Variants in THSD7B observed in about 807,000 individuals in gnomAD.
THSD7B encodes the protein thrombospondin type 1 domain containing 7B.
In THSD7B, 138 loss-of-function variants were observed where a neutral mutation model predicts 213.6. The observed-to-expected ratio is 0.65, with a 90% CI of 0.56 to 0.74. THSD7B has a LOEUF of 0.74. Among genes scored for constraint, THSD7B ranks in the 30% least tolerant of loss-of-function variants. The pLI is 0.00. For synonymous variants in THSD7B, 742 were observed against 687.0 expected (o/e 1.08, Z -1.25); for missense variants, 1,931 against 1,991.5 (o/e 0.97, Z 0.58).
Position 137,529,426 on chromosome 2 carries a change from G to T in THSD7B, c.3139-33795G>T, listed in dbSNP as rs372415719. Among the ~76,000 whole-genome samples the T allele has an allele frequency of 2.6e-5, 4 of 151,948 alleles. No individual in the cohort carries two copies. The East Asian group carries it at 5.8e-4, about 22-fold the overall frequency. ...GGGCTCTATGTGCTAAGGGACTAAT[G>T]ATTGTCCCAAAGATAAAGGCTTTAG... is the stretch of plus-strand genomic sequence containing the variant. On this transcript the variant is annotated intron_variant, in intron 15 of 27. Coordinates refer to ENST00000409968, the MANE Select transcript of THSD7B (RefSeq NM_001316349.2).
chr2:137,273,502 G>GT (rs1380657118), intron 11 of THSD7B, among the ~76,000 whole-genome samples: 1 of 151,944 alleles, frequency 6.6e-6, no homozygotes. Context: ...AATAATATAG[G>GT]TTTTATCGGC....
intron 15 of THSD7B, among the ~76,000 whole-genome samples, chr2:137,513,139 T>C (rs1414980696): frequency 6.6e-6 from 1 of 152,218 alleles, no homozygotes; most frequent in Non-Finnish European, 1.5e-5. Flanking sequence ...GGGGCGTATT[T>C]GTCACTTTTT....
chr2:137,307,823 T>A (rs1683792745), intron 12 of THSD7B, among the ~76,000 whole-genome samples: 2 of 152,076 alleles, frequency 1.3e-5, no homozygotes, highest in African/African-American at 4.8e-5. Context: ...TTACTTGACT[T>A]TAATGCTTTT....
At chr2:136,857,626 A>AAC (rs76207337) in intron 1 of THSD7B, among the ~76,000 whole-genome samples, 1 of 151,740 alleles carries the variant, frequency 6.6e-6, no homozygotes, top group Non-Finnish European at 1.5e-5. Context: ...CACACACACA[A>AAC]ACACACACAC....
At chr2:137,651,369 C>T (rs1683133767) in intron 21 of THSD7B, among the ~76,000 whole-genome samples, 1 of 151,864 alleles carries the variant, frequency 6.6e-6, no homozygotes, top group Non-Finnish European at 1.5e-5. Context: ...TTTGGTTGCT[C>T]ATAATATACT....
At chr2:137,579,231 C>A (rs1487795986) in intron 17 of THSD7B, among the ~76,000 whole-genome samples, 1 of 152,040 alleles carries the variant, frequency 6.6e-6, no homozygotes, top group Non-Finnish European at 1.5e-5. Flanking sequence ...AAGTTCCATC[C>A]AAACAGTTAA....
At chr2:136,870,462 T>C (rs1415711541) in intron 1 of THSD7B, among the ~76,000 whole-genome samples, 1 of 152,222 alleles carries the variant, frequency 6.6e-6, no homozygotes, top group African/African-American at 2.4e-5. Context: ...AGTACTTAGA[T>C]AATACTAGAG....
chr2:137,671,134 G>T (rs1683563236), intron 27 of THSD7B, among the ~76,000 whole-genome samples: 1 of 151,126 alleles, frequency 6.6e-6, no homozygotes, highest in Non-Finnish European at 1.5e-5. Flanking sequence ...GGATCTCTTT[G>T]TGCTGCTGTT....
chr2:136,980,368 G>C (rs144239060), intron 2 of THSD7B, among the ~76,000 whole-genome samples: 1,636 of 152,262 alleles, frequency 0.011, 18 homozygotes, highest in Middle Eastern at 0.027. Context: ...CATTGAACTG[G>C]AGACAGTGGC....
intron 10 of THSD7B, among the ~76,000 whole-genome samples, chr2:137,265,320 G>A (rs1682561826): frequency 6.6e-6 from 1 of 152,180 alleles, no homozygotes; most frequent in Non-Finnish European, 1.5e-5. Flanking sequence ...AACAACAGGT[G>A]CTGGAGAGGA....
intron 14 of THSD7B, among the ~76,000 whole-genome samples, chr2:137,439,488 A>G (rs540965883): frequency 2.6e-5 from 4 of 151,196 alleles, no homozygotes; most frequent in Non-Finnish European, 3.0e-5. Context: ...ATATCATTAA[A>G]TAAATAAGTT....
chr2:137,353,759 C>T (rs1375444444), intron 12 of THSD7B, among the ~76,000 whole-genome samples: 1 of 152,074 alleles, frequency 6.6e-6, no homozygotes, highest in Non-Finnish European at 1.5e-5. Flanking sequence ...ATAATAGAAG[C>T]TTCAACCACA....
chr2:136,897,577 C>A (rs183297562), intron 2 of THSD7B, among the ~76,000 whole-genome samples: 1 of 152,098 alleles, frequency 6.6e-6, no homozygotes, highest in Non-Finnish European at 1.5e-5. Context: ...TTGTGAAGAG[C>A]GAAAGAACAA....
intron 7 of THSD7B, among the ~76,000 whole-genome samples, chr2:137,183,627 T>A (rs1009578964): frequency 2.0e-5 from 3 of 152,140 alleles, no homozygotes; most frequent in Non-Finnish European, 2.9e-5. Flanking sequence ...CAATTTACTA[T>A]AAATCCTGGC....
chr2:137,234,105 G>A (rs1433560961), intron 9 of THSD7B, among the ~76,000 whole-genome samples: 1 of 152,136 alleles, frequency 6.6e-6, no homozygotes, highest in Admixed American at 6.6e-5. Flanking sequence ...CCACAGACAG[G>A]GTCAAGTCTG....
chr2:137,670,451 A>C (rs948853202), intron 27 of THSD7B, among the ~76,000 whole-genome samples: 2 of 150,970 alleles, frequency 1.3e-5, no homozygotes, highest in African/African-American at 4.9e-5. Flanking sequence ...AACACATTTA[A>C]GTCTTCATTT....
At chr2:137,543,789 T>A (rs1284139199) in intron 15 of THSD7B, among the ~76,000 whole-genome samples, 1 of 151,698 alleles carries the variant, frequency 6.6e-6, no homozygotes, top group Non-Finnish European at 1.5e-5. Flanking sequence ...ATAATCTGAT[T>A]AATAAATGGG....
At chr2:137,628,840 C>A (rs1682685893) in intron 20 of THSD7B, among the ~76,000 whole-genome samples, 1 of 152,176 alleles carries the variant, frequency 6.6e-6, no homozygotes, top group Admixed American at 6.5e-5. Flanking sequence ...CCTTGTACTG[C>A]CCTGCCAGCT....
chr2:137,316,169 A>G (rs1684094050), intron 12 of THSD7B, among the ~76,000 whole-genome samples: 2 of 152,236 alleles, frequency 1.3e-5, no homozygotes, highest in Admixed American at 1.3e-4. Context: ...ATCTGTTAGA[A>G]GTTATGGCCT....
Sources: allele counts gnomAD v4.1 joint callset (sites outside exome capture counted in the v4.1 genomes callset), GRCh38; gene constraint gnomAD v4.1.1; transcripts MANE v1.5; gene names NCBI Gene and HGNC (gene_info 2026-07-23, HGNC 2026-07-21).